Variants in PJA2 observed in about 807,000 individuals in gnomAD.
PJA2 encodes the protein E3 ubiquitin-protein ligase Praja-2.
PJA2 carries 25 observed loss-of-function variants against 69.3 expected under a neutral mutation model. That is an observed-to-expected ratio of 0.36 (90% CI 0.26 to 0.50). The LOEUF is 0.50. PJA2 is among the 20% of genes least tolerant of loss of function. PJA2 has a pLI of 0.96. For synonymous variants in PJA2, 308 were observed against 277.8 expected, an observed-to-expected ratio of 1.11 and a Z score of -1.08; for missense variants, 809 against 830.2, an observed-to-expected ratio of 0.97 and a Z score of 0.31.
At chr5:109,379,786 T>A (rs1445142566) in intron 3 of PJA2, among the ~76,000 whole-genome samples, 1 of 152,216 alleles carries the variant, frequency 6.6e-6, no homozygotes, top group Non-Finnish European at 1.5e-5. Flanking sequence ...TCTCGACAGA[T>A]TATAAATTGA....
chr5:109,340,554 A>G (rs1445910563), intron 9 of PJA2, among the ~76,000 whole-genome samples: 2 of 150,540 alleles, frequency 1.3e-5, no homozygotes, highest in East Asian at 3.9e-4. Context: ...GAGTTCACAG[A>G]GAAGACTGAA....
intron 3 of PJA2, 43 bp downstream of exon 3, chr5:109,381,460 T>A (rs747724527): frequency 3.3e-6 from 5 of 1,536,664 alleles, no homozygotes; most frequent in Admixed American, 3.5e-5. Context: ...GATCAATTCC[T>A]ATATAACTAT....
chr5:109,397,409 G>C (rs909017430), intron 1 of PJA2, among the ~76,000 whole-genome samples: 1 of 151,974 alleles, frequency 6.6e-6, no homozygotes, highest in African/African-American at 2.4e-5. Context: ...ATAGAAAGCT[G>C]GAGTGTCATT....
chr5:109,387,305 CT>C (rs139920764), intron 1 of PJA2, among the ~76,000 whole-genome samples: 4,622 of 152,198 alleles, frequency 0.03, 90 homozygotes, highest in Middle Eastern at 0.048. Flanking sequence ...TATATTCCGT[CT>C]ACCACTTTCT....
intron 9 of PJA2, among the ~76,000 whole-genome samples, chr5:109,343,286 A>AAAAAAG (rs1554052939): frequency 1.0e-5 from 1 of 96,970 alleles, no homozygotes; most frequent in African/African-American, 4.2e-5. Context: ...AAAAAAAAAA[A>AAAAAAG]AAAAAAGAAA....
intron 6 of PJA2, among the ~76,000 whole-genome samples, chr5:109,358,048 G>T (rs1269086604): frequency 6.6e-6 from 1 of 152,168 alleles, no homozygotes; most frequent in African/African-American, 2.4e-5. Context: ...TCCCTGTTGG[G>T]AACAGGCCCT....
intron 2 of PJA2, 88 bp from the exon 3 acceptor site, chr5:109,381,791 T>G (rs1747054765): frequency 9.5e-7 from 1 of 1,053,860 alleles, no homozygotes; most frequent in African/African-American, 1.6e-5. Flanking sequence ...AGTTTATATT[T>G]TATTATTTAT....
chr5:109,396,828 A>G (rs1158399194), intron 1 of PJA2, among the ~76,000 whole-genome samples: 1 of 151,804 alleles, frequency 6.6e-6, no homozygotes, highest in African/African-American at 2.4e-5. Context: ...ACCGATACCA[A>G]TGAAACTAGG....
At chr5:109,350,147 A>C (rs1762226686) in intron 7 of PJA2, among the ~76,000 whole-genome samples, 1 of 152,174 alleles carries the variant, frequency 6.6e-6, no homozygotes, top group Non-Finnish European at 1.5e-5. Context: ...TTGCAGTGCT[A>C]GTAACACCTG....
chr5:109,359,131 ATCTACT>A (rs1403076193), intron 6 of PJA2, among the ~76,000 whole-genome samples: 1 of 152,140 alleles, frequency 6.6e-6, no homozygotes, highest in Non-Finnish European at 1.5e-5. Flanking sequence ...CTTTATGATG[ATCTACT>A]TCCACTTAAT....
chr5:109,378,331 G>A lies in PJA2; in HGVS notation c.1156C>T (p.Gln386Ter). 1.2e-6 allele frequency: 2 copies of A among 1,614,012 alleles called. No individual in the cohort carries two copies. The highest frequency in any genetic ancestry group is 8.5e-7 in the Non-Finnish European group (1 of 1,179,972). ...ATTTGGTTATTTTCTGTTTCCCTTT[G>A]TGTAATAACTCTTGAGTATGGTGGA... Reference protein sequence around the residue: ...LDPPYSRVITQRETENNQMTS... With the variant: ...LDPPYSRVIT Residue 386 changes from glutamine to a stop codon, truncating the protein, a stop_gained, in exon 4 of 10, where the codon CAA becomes TAA. Coordinates refer to ENST00000361189, the MANE Select transcript of PJA2 (RefSeq NM_014819.5). LOFTEE classifies it high-confidence loss of function.
At chr5:109,359,478 T>C (rs528618926) in intron 6 of PJA2, among the ~76,000 whole-genome samples, 1 of 152,148 alleles carries the variant, frequency 6.6e-6, no homozygotes, top group Non-Finnish European at 1.5e-5. Flanking sequence ...ATATCACCAG[T>C]AATGGGTTGG....
intron 5 of PJA2, among the ~76,000 whole-genome samples, chr5:109,365,881 G>C (rs1762578887): frequency 6.6e-6 from 1 of 152,144 alleles, no homozygotes; most frequent in African/African-American, 2.4e-5. Flanking sequence ...ATGTTTAGCA[G>C]ATGCTTAACA....
chr5:109,361,925 G>A (rs1026727873), intron 6 of PJA2, among the ~76,000 whole-genome samples: 2 of 152,156 alleles, frequency 1.3e-5, no homozygotes, highest in African/African-American at 4.8e-5. Flanking sequence ...GAAGTAGCTA[G>A]CACACACAGA....
intron 7 of PJA2, among the ~76,000 whole-genome samples, chr5:109,353,672 G>C (rs1237653856): frequency 6.8e-6 from 1 of 146,348 alleles, no homozygotes; most frequent in Non-Finnish European, 1.5e-5. Flanking sequence ...TATATCTACA[G>C]ACATCTATAT....
intron 7 of PJA2, among the ~76,000 whole-genome samples, chr5:109,352,205 C>T (rs754241313): frequency 2.6e-5 from 4 of 152,134 alleles, no homozygotes; most frequent in Non-Finnish European, 5.9e-5. Context: ...TAGTTCACTG[C>T]TAGTGCCTTT....
At chr5:109,360,073 T>C (rs1007323181) in intron 6 of PJA2, among the ~76,000 whole-genome samples, 2 of 152,216 alleles carry the variant, frequency 1.3e-5, no homozygotes, top group Non-Finnish European at 2.9e-5. Context: ...TGAGGATTTT[T>C]GTACTATTTT....
rs533920552 is a variant in PJA2 at position 109,356,238 on chromosome 5, A to G, written c.1653-212T>C. ...AAAGATGAGTAGTTAAGATACCACT[A>G]CCTCATCCAACAGGCTGCCAAACTC... On this transcript the variant is annotated intron_variant, in intron 6 of 9. Transcript: ENST00000361189. Among the ~76,000 whole-genome samples, 35 of 152,276 alleles carry G rather than the reference A, an allele frequency of 2.3e-4. No individual in the cohort carries two copies. In the South Asian group the frequency reaches 7.1e-3, roughly 31 times the overall value.
At chr5:109,349,423 T>C (rs1289582154) in intron 7 of PJA2, among the ~76,000 whole-genome samples, 1 of 152,176 alleles carries the variant, frequency 6.6e-6, no homozygotes, top group Non-Finnish European at 1.5e-5. Flanking sequence ...AGAGTGATGT[T>C]CGTGGCTTTC....
Sources: allele counts gnomAD v4.1 joint callset (sites outside exome capture counted in the v4.1 genomes callset), GRCh38; gene constraint gnomAD v4.1.1; transcripts MANE v1.5; gene names NCBI Gene and HGNC (gene_info 2026-07-23, HGNC 2026-07-21).